ZFPM2: variants seen among roughly 807,000 people sequenced by gnomAD.
ZFPM2 encodes zinc finger protein, FOG family member 2.
In ZFPM2, 20 loss-of-function variants were observed where a neutral mutation model predicts 98.6. The observed-to-expected ratio is 0.20, with a 90% confidence interval of 0.14 to 0.29. ZFPM2 has a LOEUF of 0.29. ZFPM2 is among the 10% of genes least tolerant of loss of function. The probability of loss-of-function intolerance (pLI) is 1.00; values close to 1 mark genes in which losing one functional copy is unlikely to be tolerated. For synonymous variants in ZFPM2, 518 were observed against 502.7 expected (o/e 1.03, Z -0.41); for missense variants, 1,310 against 1,388.6 (o/e 0.94, Z 0.90).
chr8:105,379,672 G>A (rs1810803549), intron 1 of ZFPM2, among the ~76,000 whole-genome samples: 1 of 150,924 alleles, frequency 6.6e-6, no homozygotes, highest in African/African-American at 2.4e-5. Context: ...AGAATTACTT[G>A]AACCCGGGAG....
rs1009180519 is a variant in ZFPM2 at position 105,458,435 on chromosome 8, T to G, written c.301+14054T>G. On this transcript the variant is annotated intron_variant, in intron 3 of 7. Coordinates refer to ENST00000407775, the MANE Select transcript of ZFPM2 (RefSeq NM_012082.4). ...TGGAATGAAATTTAAAAAAAAAAAATTTGTTTTCCCCCCATTACCTTTTCC... is the reference window on the plus strand; with the variant it reads ...TGGAATGAAATTTAAAAAAAAAAAAGTTGTTTTCCCCCCATTACCTTTTCC... 2.0e-5 allele frequency among the ~76,000 whole-genome samples: 3 copies of G among 151,974 alleles called. No individual in the cohort carries two copies. In the South Asian group the frequency reaches 6.2e-4, roughly 32 times the overall value.
intron 4 of ZFPM2, among the ~76,000 whole-genome samples, chr8:105,601,232 T>G (rs1428452403): frequency 6.6e-6 from 1 of 152,086 alleles, no homozygotes; most frequent in Admixed American, 6.6e-5. Flanking sequence ...AACCAAAAGA[T>G]GTCTAAGCCA....
At chr8:105,512,425 C>T (rs1813836282) in intron 3 of ZFPM2, among the ~76,000 whole-genome samples, 2 of 152,122 alleles carry the variant, frequency 1.3e-5, no homozygotes, top group Admixed American at 6.5e-5. Context: ...TTTTGTAAAA[C>T]GTTAAGCACC....
chr8:105,444,269 G>C lies in ZFPM2; in HGVS notation c.200-11G>C, dbSNP rs774378280. ...TCATTTTCTTTCTCTCCTTGTGTTG[G>C]TGTTTTCCAGGTGATGATGAAGGAA... On this transcript the variant is annotated splice_polypyrimidine_tract_variant and intron_variant, in intron 2 of 7. Coordinates refer to ENST00000407775, the MANE Select transcript of ZFPM2 (RefSeq NM_012082.4). 6.2e-7 allele frequency: 1 copy of C among 1,603,068 alleles called. No homozygotes were observed. Among genetic ancestry groups the C allele is most frequent in the East Asian group, 2.2e-5 (1 of 44,598 alleles).
intron 2 of ZFPM2, among the ~76,000 whole-genome samples, chr8:105,432,003 T>G (rs563173801): frequency 6.6e-6 from 1 of 151,562 alleles, no homozygotes; most frequent in South Asian, 2.1e-4. Flanking sequence ...GTCATAGAGT[T>G]TCAGGTAGAG....
At chr8:105,571,540 T>C (rs1428618172) in intron 4 of ZFPM2, among the ~76,000 whole-genome samples, 1 of 152,200 alleles carries the variant, frequency 6.6e-6, no homozygotes, top group Non-Finnish European at 1.5e-5. Flanking sequence ...GCCTTTTAAA[T>C]TCTTTCTATT....
intron 1 of ZFPM2, among the ~76,000 whole-genome samples, chr8:105,391,341 C>A (rs1458640821): frequency 2.0e-5 from 3 of 152,172 alleles, no homozygotes; most frequent in Non-Finnish European, 4.4e-5. Context: ...TCTGAGACTT[C>A]AGCAAGTCAT....
intron 5 of ZFPM2, among the ~76,000 whole-genome samples, chr8:105,782,784 T>A (rs765152500): frequency 3.4e-4 from 51 of 152,186 alleles, no homozygotes; most frequent in Non-Finnish European, 6.5e-4. Flanking sequence ...CCCAATACTT[T>A]TACAGAATTC....
intron 3 of ZFPM2, among the ~76,000 whole-genome samples, chr8:105,478,065 G>A (rs535253313): frequency 6.6e-6 from 1 of 152,126 alleles, no homozygotes; most frequent in Non-Finnish European, 1.5e-5. Flanking sequence ...ATCCAAATTT[G>A]CAAAGCAACA....
intron 5 of ZFPM2, among the ~76,000 whole-genome samples, chr8:105,762,322 A>G (rs1812750109): frequency 6.6e-6 from 1 of 151,958 alleles, no homozygotes; most frequent in African/African-American, 2.4e-5. Context: ...TCTGAGTGAC[A>G]GCACACTGAA....
intron 5 of ZFPM2, among the ~76,000 whole-genome samples, chr8:105,661,366 A>G (rs929868532): frequency 6.6e-6 from 1 of 152,186 alleles, no homozygotes; most frequent in Non-Finnish European, 1.5e-5. Context: ...AGTAACTCTG[A>G]AAGGACTAAT....
At chr8:105,431,050 C>T (rs910955341) in intron 2 of ZFPM2, among the ~76,000 whole-genome samples, 13 of 151,804 alleles carry the variant, frequency 8.6e-5, no homozygotes, top group Admixed American at 6.6e-5. Context: ...ACTACAGGCG[C>T]CCCCCACCAT....
At chr8:105,469,490 G>A (rs1211921417) in intron 3 of ZFPM2, among the ~76,000 whole-genome samples, 1 of 152,004 alleles carries the variant, frequency 6.6e-6, no homozygotes, top group Non-Finnish European at 1.5e-5. Flanking sequence ...TCCAGCTGGT[G>A]TACTCATTCA....
intron 5 of ZFPM2, among the ~76,000 whole-genome samples, chr8:105,679,703 G>A (rs572638590): frequency 2.0e-5 from 3 of 151,640 alleles, no homozygotes; most frequent in East Asian, 2.0e-4. Flanking sequence ...AGGCTGAGGT[G>A]TGGGGATCAC....
chr8:105,631,320 T>G (rs1164763623), intron 4 of ZFPM2, among the ~76,000 whole-genome samples: 3 of 152,184 alleles, frequency 2.0e-5, no homozygotes, highest in Admixed American at 2.0e-4. Flanking sequence ...GTTCTTTCCA[T>G]TTATCAATAA....
intron 1 of ZFPM2, among the ~76,000 whole-genome samples, chr8:105,345,933 T>C (rs16872778): frequency 0.21 from 31,563 of 152,092 alleles, 4,211 homozygotes; most frequent in East Asian, 0.52. Flanking sequence ...TAAATATTAT[T>C]TTCCTCTGAT....
intron 5 of ZFPM2, among the ~76,000 whole-genome samples, chr8:105,654,303 C>T (rs564596008): frequency 7.9e-5 from 12 of 152,048 alleles, no homozygotes; most frequent in Non-Finnish European, 1.5e-4. Flanking sequence ...TATATATGCT[C>T]TCTGTCCTGT....
At chr8:105,355,169 T>A (rs954961755) in intron 1 of ZFPM2, among the ~76,000 whole-genome samples, 3 of 152,228 alleles carry the variant, frequency 2.0e-5, no homozygotes, top group Non-Finnish European at 4.4e-5. Context: ...ATTAACAGTT[T>A]GTTGCATTCC....
intron 5 of ZFPM2, among the ~76,000 whole-genome samples, chr8:105,647,021 T>A (rs1817061429): frequency 6.6e-6 from 1 of 152,164 alleles, no homozygotes; most frequent in South Asian, 2.1e-4. Context: ...GTCCTCAGAA[T>A]GCCTGTCCAA....
Sources: allele counts gnomAD v4.1 joint callset (sites outside exome capture counted in the v4.1 genomes callset), GRCh38; gene constraint gnomAD v4.1.1; transcripts MANE v1.5; gene names NCBI Gene and HGNC (gene_info 2026-07-23, HGNC 2026-07-21).